The following MAN2B1 variants were observed in gnomAD, a reference collection of about 807,000 sequenced individuals.
MAN2B1 encodes the protein mannosidase alpha class 2B member 1, also known as lysosomal alpha-mannosidase.
In MAN2B1, 99 loss-of-function variants were observed where a neutral mutation model predicts 127.5. That is an observed-to-expected ratio of 0.78 (90% CI 0.66 to 0.92). MAN2B1 has a LOEUF of 0.92. MAN2B1 is among the 40% of genes least tolerant of loss of function. The probability of loss-of-function intolerance (pLI) is 0.00; values close to 1 mark genes in which losing one functional copy is unlikely to be tolerated. For synonymous variants in MAN2B1, 573 were observed against 568.8 expected, an observed-to-expected ratio of 1.01 and a Z score of -0.11; for missense variants, 1,304 against 1,384.8, an observed-to-expected ratio of 0.94 and a Z score of 0.93.
chr19:12,652,613 C>G (rs547513831), intron 14 of MAN2B1, among the ~76,000 whole-genome samples, 153 bp from the exon 15 acceptor site: 10 of 151,172 alleles, frequency 6.6e-5, no homozygotes, highest in South Asian at 2.1e-4. Context: ...CTCACTGCAC[C>G]CCCCACCTCC....
Position 12,665,364 on chromosome 19 carries a change from G to C in MAN2B1, c.424C>G (p.Leu142Val), listed in dbSNP as rs774107278. ...TNATQEVVRD[L>V]VRQGRLEFAN... ...GGGGTAGGCTCACCCTGGCGCACAA[G>C]GTCTCGCACGACTTCCTGTGTGGCA... Residue 142 changes from leucine (L) to valine (V), a missense_variant, in exon 3 of 24, where the codon CTT becomes GTT. Transcript: ENST00000456935. 6.2e-7 allele frequency: 1 copy of C among 1,606,968 alleles called. No individual in the cohort carries two copies. Among genetic ancestry groups the C allele is most frequent in the African/African-American group, 1.3e-5 (1 of 75,036 alleles).
At chr19:12,660,752 ATTTTT>A (rs1168857464) in intron 7 of MAN2B1, 13 of 102,242 alleles carry the variant, frequency 1.3e-4, no homozygotes, top group South Asian at 6.4e-4. Context: ...CTCAGGCTGG[ATTTTT>A]TTTTTTTTTT....
intron 18 of MAN2B1, among the ~76,000 whole-genome samples, 165 bp downstream of exon 18, chr19:12,649,748 C>G (rs1324771204): frequency 6.6e-6 from 1 of 151,924 alleles, no homozygotes; most frequent in African/African-American, 2.4e-5. Flanking sequence ...TCCCAAAGTG[C>G]TGGGATTACA....
intron 4 of MAN2B1, among the ~76,000 whole-genome samples, 186 bp downstream of exon 4, chr19:12,664,606 C>A (rs1202083763): frequency 6.6e-6 from 1 of 152,174 alleles, no homozygotes; most frequent in Non-Finnish European, 1.5e-5. Flanking sequence ...CTGGGCTGGG[C>A]ATAGCCGGCT....
intron 10 of MAN2B1, 23 bp downstream of exon 10, chr19:12,658,040 C>A: frequency 6.2e-7 from 1 of 1,611,340 alleles, no homozygotes; most frequent in Non-Finnish European, 8.5e-7. Flanking sequence ...CAAACCTCTT[C>A]CCCTCTTGGG....
Position 12,652,471 on chromosome 19 carries a change from A to G in MAN2B1, c.1831-11T>C, listed in dbSNP as rs1030378548. 17 of 1,599,348 alleles carry G rather than the reference A, an allele frequency of 1.1e-5. No individual in the cohort carries two copies. The highest frequency in any genetic ancestry group is 3.3e-5 in the Admixed American group (2 of 59,954). ...CGTTGCCCGGATGTGCTGGGCAGAAAAGGGTCCACAGATGGGTTTGTGTGT... is the reference window on the plus strand; with the variant it reads ...CGTTGCCCGGATGTGCTGGGCAGAAGAGGGTCCACAGATGGGTTTGTGTGT... On this transcript the variant is annotated splice_polypyrimidine_tract_variant and intron_variant, in intron 14 of 23. Transcript: ENST00000456935.
At chr19:12,657,972 A>AG (rs1263506915) in intron 10 of MAN2B1, 91 bp downstream of exon 10, 1 of 1,016,332 alleles carries the variant, frequency 9.8e-7, no homozygotes, top group East Asian at 2.6e-5. Context: ...AAAAAAAAAA[A>AG]AAAAAAAAAG....
Position 12,646,517 on chromosome 19 carries a change from CT to C in MAN2B1, c.*102del, listed in dbSNP as rs2023690714. The stretch of plus-strand genomic sequence containing the variant: ...CACTCAGTCACAGAGCGACCTGAGT[CT>C]TAGTAGTAGCGTTTTAATGGCAGCA... On this transcript the variant is annotated 3_prime_UTR_variant, in exon 24 of 24. Transcript: ENST00000456935. 2 of 885,154 alleles carry C rather than the reference CT, an allele frequency of 2.3e-6. No homozygotes were observed. The highest frequency in any genetic ancestry group is 2.7e-5 in the South Asian group (2 of 73,530). The allele number at this position is 885,154 out of a possible 1,614,324, so 54.8% of individuals were successfully genotyped here.
At position 12,647,812 on chromosome 19, in the gene MAN2B1, G is replaced by A. The variant is rs1025336876; in HGVS notation, c.2665-214C>T. ...GTCCCAAGCTTAGGGTTCGAGTCCCGATGGAGCAGAACTGATGTGACCTGA... is the reference window on the plus strand; with the variant it reads ...GTCCCAAGCTTAGGGTTCGAGTCCCAATGGAGCAGAACTGATGTGACCTGA... On this transcript the variant is annotated intron_variant, in intron 21 of 23. Coordinates refer to ENST00000456935, the MANE Select transcript of MAN2B1 (RefSeq NM_000528.4). This position sits in a 1 kb window ranked among gnomAD's most constrained non-coding sequence, Gnocchi z 4.9. 23 of 603,126 alleles carry A rather than the reference G, an allele frequency of 3.8e-5. No individual in the cohort carries two copies. The East Asian group carries it at 5.0e-4, about 13-fold the overall frequency. The allele number at this position is 603,126 out of a possible 1,614,324, so 37.4% of individuals were successfully genotyped here. A position where few individuals can be genotyped will look rare whatever the true frequency, so the allele number is the denominator to read the frequency against.
At position 12,647,610 on chromosome 19, in the gene MAN2B1, AGGGCGGGGCTGAGTTGGAGAG is replaced by A. The variant is rs2023723537; in HGVS notation, c.2665-33_2665-13del. 6.8e-7 allele frequency: 1 copy of A among 1,477,062 alleles called. No homozygotes were observed. The allele number at this position is 1,477,062 out of a possible 1,614,324, so 91.5% of individuals were successfully genotyped here. A position where few individuals can be genotyped will look rare whatever the true frequency, so the allele number is the denominator to read the frequency against. Reference sequence around the variant, plus strand: ...CGCAGCCCTGAGAACTGCGGGAGAGAGGGCGGGGCTGAGTTGGAGAGGGGCGGGGCCTGGATGGAGAAGGGC... The same window carrying A: ...CGCAGCCCTGAGAACTGCGGGAGAGAGGGCGGGGCCTGGATGGAGAAGGGC... On this transcript the variant is annotated splice_polypyrimidine_tract_variant and intron_variant, in intron 21 of 23. Transcript: ENST00000456935. This position sits in a 1 kb window ranked among gnomAD's most constrained non-coding sequence, Gnocchi z 4.9.
intron 10 of MAN2B1, 33 bp downstream of exon 10, chr19:12,658,030 C>T (rs1196489087): frequency 1.3e-6 from 2 of 1,596,374 alleles, no homozygotes; most frequent in Admixed American, 3.3e-5. Flanking sequence ...ACTTCAGCCG[C>T]AAACCTCTTC....
chr19:12,650,978 T>G (rs2023832025), intron 16 of MAN2B1, among the ~76,000 whole-genome samples: 4 of 150,828 alleles, frequency 2.7e-5, no homozygotes, highest in Admixed American at 2.6e-4. Context: ...GGCCTCTTTT[T>G]TTTTTTTTTT....
chr19:12,658,110 A>G lies in MAN2B1; in HGVS notation c.1262T>C (p.Leu421Pro), dbSNP rs769601006. 38 of 1,613,424 alleles carry G rather than the reference A, an allele frequency of 2.4e-5. No individual in the cohort carries two copies. The South Asian group carries it at 4.1e-4, about 17-fold the overall frequency. ...GCCATAGGGTCCCACGTTGGCCGCC[A>G]GGCCCACCAGCGCCTCCAGCTGGTT... ...VCNQLEALVG[L>P]AANVGPYGSG... Residue 421 changes from leucine (L) to proline (P), a missense_variant, in exon 10 of 24, where the codon CTG becomes CCG. By Grantham distance (98) the Leu-to-Pro change is moderately conservative (BLOSUM62 -3). Transcript: ENST00000456935.
At position 12,663,423 on chromosome 19, in the gene MAN2B1, C is replaced by T; in HGVS notation, c.803G>A (p.Cys268Tyr). The change falls in exon 6 of 24, where the codon TGC becomes TAC. Residue 268 changes from cysteine (C) to tyrosine (Y), a missense_variant. Physicochemically the swap from Cys to Tyr is radical, Grantham distance 194. Transcript: ENST00000456935. The part of the protein sequence containing the change: ...PNGYNPPRNL[C>Y]WDVLCVDQPL... The stretch of plus-strand genomic sequence containing the variant: ...CTGATCGACACACAGCACATCCCAG[C>T]ACAGATTCCTTGGCGGGTTGTAACC... The T allele has an allele frequency of 6.2e-7, 1 of 1,614,106 alleles. No individual in the cohort carries two copies. The highest frequency in any genetic ancestry group is 8.5e-7 in the Non-Finnish European group (1 of 1,179,980).
intron 15 of MAN2B1, 43 bp downstream of exon 15, chr19:12,652,320 G>A (rs374337150): frequency 1.4e-5 from 22 of 1,608,606 alleles, no homozygotes; most frequent in East Asian, 1.3e-4. Context: ...GCTCCATGCC[G>A]AGCACCACCA....
rs1555705869 is a variant in MAN2B1, at chr19:12,646,688, T to C, written c.2968A>G (p.Ile990Val). Residue 990 changes from isoleucine to valine, a missense_variant, in exon 24 of 24, where the codon ATC becomes GTC. Ile to Val is a conservative substitution (Grantham distance 29). Transcript: ENST00000456935. ...CGGATTTCCATGGGTTCCAGCGTGATGTTGGCCGGGTCCAGCTGGTACGGA... is the reference window on the plus strand; with the variant it reads ...CGGATTTCCATGGGTTCCAGCGTGACGTTGGCCGGGTCCAGCTGGTACGGA... ...QTPYQLDPAN[I>V]TLEPMEIRTF... 1 of 1,614,088 alleles carries C rather than the reference T, an allele frequency of 6.2e-7. No homozygotes were observed.
chr19:12,665,280 C>T (rs1356951792), intron 3 of MAN2B1, 72 bp downstream of exon 3: 16 of 1,574,018 alleles, frequency 1.0e-5, no homozygotes, highest in South Asian at 4.4e-5. Context: ...CATGACAAAT[C>T]TCAGAAACCA....
chr19:12,657,529 G>T lies in MAN2B1; in HGVS notation c.1336C>A (p.His446Asn). The T allele has an allele frequency of 6.4e-7, 1 of 1,565,830 alleles. No homozygotes were observed. The highest frequency in any genetic ancestry group is 2.4e-5 in the East Asian group (1 of 42,312). The change falls in exon 11 of 24, where the codon CAC becomes AAC. Residue 446 changes from histidine to asparagine, a missense_variant. Coordinates refer to ENST00000456935, the MANE Select transcript of MAN2B1 (RefSeq NM_000528.4). ...CGGGAGGTGCCGCTGACGGCGTCGT[G>T]ATGCTGGAGCACAGCCATCGCCTCA... The part of the protein sequence containing the change: ...LNEAMAVLQH[H>N]DAVSGTSRQH...
chr19:12,649,836 T>G, intron 18 of MAN2B1, 77 bp downstream of exon 18: 1 of 1,232,924 alleles, frequency 8.1e-7, no homozygotes, highest in Non-Finnish European at 1.2e-6. Flanking sequence ...ACTCATGTAA[T>G]CAGCAAATTT....
Sources: allele counts gnomAD v4.1 joint callset (sites outside exome capture counted in the v4.1 genomes callset), GRCh38; gene constraint gnomAD v4.1.1; non-coding constraint Gnocchi (gnomAD v3.1); transcripts MANE v1.5; gene names NCBI Gene and HGNC (gene_info 2026-07-23, HGNC 2026-07-21).